Variants in CELF2 observed in about 807,000 individuals in gnomAD.
CELF2 encodes the protein CUGBP Elav-like family member 2.
A neutral mutation model predicts 62.6 loss-of-function variants in CELF2; 8 were observed. That is an observed-to-expected ratio of 0.13 (90% CI 0.07 to 0.23). CELF2 has a LOEUF of 0.23. CELF2 is among the 10% of genes least tolerant of loss of function. The pLI is 1.00. For missense variants in CELF2, 333 were observed against 671.0 expected, an observed-to-expected ratio of 0.50 and a Z score of 5.56; for synonymous variants, 258 against 250.0, an observed-to-expected ratio of 1.03 and a Z score of -0.30.
chr10:11,185,021 A>C (rs1356285159), intron 2 of CELF2, among the ~76,000 whole-genome samples: 8 of 152,194 alleles, frequency 5.3e-5, no homozygotes. Flanking sequence ...TTTTTCACAA[A>C]TGCCCTTTAT....
At chr10:10,471,169 T>A in the CELF2 span, among the ~76,000 whole-genome samples, 1 of 151,732 alleles carries the variant, frequency 6.6e-6, no homozygotes, top group Non-Finnish European at 1.5e-5. Context: ...ATATGGCTTA[T>A]CTTGATGAAA....
At chr10:10,932,060 T>C (rs2066126049) in intron 2 of CELF2, among the ~76,000 whole-genome samples, 1 of 152,128 alleles carries the variant, frequency 6.6e-6, no homozygotes, top group African/African-American at 2.4e-5. Context: ...GTGTGGGAAT[T>C]CAAAATGAGA....
the CELF2 span, among the ~76,000 whole-genome samples, chr10:10,599,499 T>C: frequency 1.2e-3 from 187 of 152,230 alleles, 1 homozygote; most frequent in African/African-American, 4.2e-3. Context: ...TGAATTCCAG[T>C]TGATAGCATA....
chr10:11,060,560 A>T (rs970354678), intron 1 of CELF2, among the ~76,000 whole-genome samples: 1 of 152,124 alleles, frequency 6.6e-6, no homozygotes, highest in African/African-American at 2.4e-5. Context: ...TCAGCCTTTG[A>T]TGTGCTTGGA....
chr10:11,073,917 T>A (rs2477022), intron 1 of CELF2, among the ~76,000 whole-genome samples: 9,518 of 152,318 alleles, frequency 0.062, 518 homozygotes, highest in African/African-American at 0.15. Flanking sequence ...TGTTATCAAA[T>A]GTAAAATAAT....
intron 1 of CELF2, among the ~76,000 whole-genome samples, chr10:10,868,787 A>T (rs1364282691): frequency 1.3e-5 from 2 of 152,240 alleles, no homozygotes. Context: ...TGATATGTAT[A>T]CTTTTTTCTA....
At chr10:11,230,245 C>T (rs2068141773) in intron 3 of CELF2, among the ~76,000 whole-genome samples, 1 of 152,186 alleles carries the variant, frequency 6.6e-6, no homozygotes, top group Non-Finnish European at 1.5e-5. Flanking sequence ...TGATTGTGAT[C>T]ATCATTTCAC....
intron 9 of CELF2, among the ~76,000 whole-genome samples, chr10:11,301,441 G>C: frequency 2.0e-5 from 1 of 50,076 alleles, no homozygotes; most frequent in African/African-American, 8.7e-5. Context: ...CCGCCCCCCC[G>C]CCACTCCCGC....
At chr10:10,633,604 C>T in the CELF2 span, among the ~76,000 whole-genome samples, 3 of 152,194 alleles carry the variant, frequency 2.0e-5, no homozygotes, top group Non-Finnish European at 4.4e-5. Flanking sequence ...TTTTTTGTCA[C>T]ATAGAAAATG....
the CELF2 span, among the ~76,000 whole-genome samples, chr10:10,676,393 G>A: frequency 1.3e-5 from 2 of 152,160 alleles, no homozygotes; most frequent in Non-Finnish European, 2.9e-5. Context: ...ATTAGACCGT[G>A]GTTAACTAGC....
chr10:10,513,013 T>C, the CELF2 span, among the ~76,000 whole-genome samples: 3 of 152,124 alleles, frequency 2.0e-5, no homozygotes, highest in Admixed American at 1.3e-4. Context: ...ATGAAAACGG[T>C]GCCATGGTGG....
the CELF2 span, among the ~76,000 whole-genome samples, chr10:10,705,169 G>A: frequency 2.6e-4 from 40 of 152,254 alleles, 1 homozygote; most frequent in South Asian, 8.1e-3. Context: ...CTGGGCAACA[G>A]AGCTAGACCT....
Position 11,103,700 on chromosome 10 carries a change from T to G in CELF2, c.75-61786T>G, listed in dbSNP as rs558478853. Among the ~76,000 whole-genome samples the G allele has an allele frequency of 3.9e-5, 6 of 152,236 alleles. No homozygotes were observed. The East Asian group carries it at 7.7e-4, about 20-fold the overall frequency. On this transcript the variant is annotated intron_variant, in intron 1 of 12. Coordinates refer to ENST00000633077, the MANE Select transcript of CELF2 (RefSeq NM_001326342.2). ...TTGATTTGTTGTTGCAGGGGTGGTA[T>G]TGGTTATATTTGTCCTTCCCTCAAG...
chr10:10,706,638 G>A, the CELF2 span, among the ~76,000 whole-genome samples: 2 of 152,132 alleles, frequency 1.3e-5, no homozygotes, highest in Non-Finnish European at 2.9e-5. Flanking sequence ...GACAGCAAGG[G>A]CCCAAGTTTT....
At chr10:10,668,299 T>A in the CELF2 span, among the ~76,000 whole-genome samples, 1 of 152,214 alleles carries the variant, frequency 6.6e-6, no homozygotes, top group Non-Finnish European at 1.5e-5. Context: ...CTCCCACTGC[T>A]CTGCGTTCCC....
rs1024950636 is a variant in CELF2, at chr10:11,117,912, A to G, written c.75-47574A>G. 6.6e-6 allele frequency among the ~76,000 whole-genome samples: 1 copy of G among 152,090 alleles called. No individual in the cohort carries two copies. The highest frequency in any genetic ancestry group is 2.4e-5 in the African/African-American group (1 of 41,392). On this transcript the variant is annotated intron_variant, in intron 1 of 12. Transcript: ENST00000633077. The surrounding 1 kb of genome is among the most constrained non-coding windows in gnomAD (Gnocchi z 4.1). ...TGCGCTATCCTTTTATACATTTTTTATAAGGCAGAATGCTTTGAATGCATT... is the reference window on the plus strand; with the variant it reads ...TGCGCTATCCTTTTATACATTTTTTGTAAGGCAGAATGCTTTGAATGCATT...
At chr10:11,166,158 T>C (rs577149027) in intron 2 of CELF2, among the ~76,000 whole-genome samples, 1 of 152,330 alleles carries the variant, frequency 6.6e-6, no homozygotes, top group South Asian at 2.1e-4. Flanking sequence ...GTGATGCCAC[T>C]GGTGCGAGGG....
intron 1 of CELF2, among the ~76,000 whole-genome samples, chr10:10,885,724 A>C (rs1176327877): frequency 6.6e-6 from 1 of 152,184 alleles, no homozygotes. Flanking sequence ...TCCTAGAAAG[A>C]ATTCATTGAT....
At chr10:10,539,645 A>G in the CELF2 span, among the ~76,000 whole-genome samples, 1 of 152,196 alleles carries the variant, frequency 6.6e-6, no homozygotes, top group Non-Finnish European at 1.5e-5. Flanking sequence ...TTGAGATTAC[A>G]TTTATTCCTA....
Sources: allele counts gnomAD v4.1 joint callset (sites outside exome capture counted in the v4.1 genomes callset), GRCh38; gene constraint gnomAD v4.1.1; non-coding constraint Gnocchi (gnomAD v3.1); transcripts MANE v1.5; gene names NCBI Gene and HGNC (gene_info 2026-07-23, HGNC 2026-07-21).